Variants in CEP112 observed in about 807,000 individuals in gnomAD.
The protein encoded by CEP112 is centrosomal protein of 112 kDa.
A neutral mutation model predicts 153.0 loss-of-function variants in CEP112; 127 were observed. The ratio of observed to expected loss-of-function variants is 0.83; its 90% CI spans 0.72 to 0.96. The LOEUF (loss-of-function observed/expected upper bound fraction) is 0.96. CEP112 is among the 40% of genes least tolerant of loss of function. The pLI is 0.00. For synonymous variants in CEP112, 358 were observed against 374.4 expected, an observed-to-expected ratio of 0.96 and a Z score of 0.51; for missense variants, 1,089 against 1,101.2, an observed-to-expected ratio of 0.99 and a Z score of 0.16.
intron 3 of CEP112, among the ~76,000 whole-genome samples, chr17:66,175,460 A>G (rs1035350213): frequency 6.6e-6 from 1 of 152,222 alleles, no homozygotes. Context: ...TACATAACAG[A>G]TAAATCTGAT....
rs183362807 is a variant in CEP112, at chr17:65,642,474, T to C, written c.2698-1409A>G. The stretch of plus-strand genomic sequence containing the variant: ...CATTTCATTACCTACTAAAATCCTG[T>C]GGCCACTGTTATAGAACATAAATTT... On this transcript the variant is annotated intron_variant, in intron 24 of 26. Coordinates refer to ENST00000535342, the MANE Select transcript of CEP112 (RefSeq NM_001199165.4). Among the ~76,000 whole-genome samples, 8 of 152,264 alleles carry C rather than the reference T, an allele frequency of 5.3e-5. No homozygotes were observed. The East Asian group carries it at 1.5e-3, about 29-fold the overall frequency.
chr17:65,656,951 G>T (rs2046092725), intron 24 of CEP112, among the ~76,000 whole-genome samples: 1 of 152,208 alleles, frequency 6.6e-6, no homozygotes, highest in South Asian at 2.1e-4. Context: ...AAGACAAAGA[G>T]AAGATTCTGT....
At chr17:65,705,405 T>G (rs1282860743) in intron 23 of CEP112, among the ~76,000 whole-genome samples, 1 of 152,248 alleles carries the variant, frequency 6.6e-6, no homozygotes, top group Non-Finnish European at 1.5e-5. Flanking sequence ...TCTTTCTGAA[T>G]AATTCAAGCG....
At chr17:65,896,084 G>A (rs2059649114) in intron 20 of CEP112, among the ~76,000 whole-genome samples, 1 of 151,964 alleles carries the variant, frequency 6.6e-6, no homozygotes, top group Non-Finnish European at 1.5e-5. Flanking sequence ...AATGCAAATG[G>A]AATACTTTAT....
At chr17:66,044,667 T>C (rs1475400045) in intron 12 of CEP112, among the ~76,000 whole-genome samples, 1 of 152,152 alleles carries the variant, frequency 6.6e-6, no homozygotes, top group Non-Finnish European at 1.5e-5. Context: ...AATGGTCAAA[T>C]TCGTAAGAGA....
chr17:66,170,019 T>G (rs2072176692), intron 4 of CEP112, among the ~76,000 whole-genome samples: 1 of 152,164 alleles, frequency 6.6e-6, no homozygotes, highest in Non-Finnish European at 1.5e-5. Context: ...TCAGCAGCAT[T>G]CCGTTCCTTA....
chr17:66,058,517 G>C (rs1568442892), intron 11 of CEP112, among the ~76,000 whole-genome samples: 1 of 151,834 alleles, frequency 6.6e-6, no homozygotes, highest in Non-Finnish European at 1.5e-5. Context: ...GATTCATATG[G>C]AACCAAAAAA....
At chr17:65,936,145 A>T (rs933225492) in intron 18 of CEP112, among the ~76,000 whole-genome samples, 1 of 152,214 alleles carries the variant, frequency 6.6e-6, no homozygotes, top group Non-Finnish European at 1.5e-5. Flanking sequence ...AGCTGAGGAA[A>T]CAGATGAATT....
At chr17:65,822,042 A>G (rs1242396279) in intron 21 of CEP112, among the ~76,000 whole-genome samples, 1 of 151,962 alleles carries the variant, frequency 6.6e-6, no homozygotes, top group Non-Finnish European at 1.5e-5. Context: ...AAAATTCCCA[A>G]TTCAATGGAA....
rs1568411514 is a variant in CEP112, at chr17:66,035,004, ATATAT to A, written c.1219-4986_1219-4982del. ...TATATATATATATACATATATATAT[ATATAT>A]TTTTTTTTTTAGTAGAGATGGAGTT... On this transcript the variant is annotated intron_variant, in intron 12 of 26. Coordinates refer to ENST00000535342, the MANE Select transcript of CEP112 (RefSeq NM_001199165.4). 1.8e-3 allele frequency among the ~76,000 whole-genome samples: 188 copies of A among 103,418 alleles called. 3 individuals are homozygous for A. In the Middle Eastern group the frequency reaches 0.039, roughly 21 times the overall value. 67.8% of individuals were successfully genotyped at this position (103,418 alleles called of 152,430 possible).
chr17:65,746,572 G>A (rs1321478644), intron 22 of CEP112, among the ~76,000 whole-genome samples: 1 of 152,020 alleles, frequency 6.6e-6, no homozygotes, highest in African/African-American at 2.4e-5. Flanking sequence ...TTCAGGTAAG[G>A]AACAAAACTC....
intron 6 of CEP112, among the ~76,000 whole-genome samples, chr17:66,127,972 C>T (rs1198888968): frequency 6.6e-6 from 1 of 151,992 alleles, no homozygotes; most frequent in Non-Finnish European, 1.5e-5. Context: ...CCTTTCCCTC[C>T]TCCCAGCAAT....
chr17:65,832,326 A>G (rs868302648), intron 21 of CEP112, among the ~76,000 whole-genome samples: 1 of 152,102 alleles, frequency 6.6e-6, no homozygotes, highest in African/African-American at 2.4e-5. Context: ...CTAGCAGAAG[A>G]GAAGAAATAA....
At chr17:65,844,350 T>C (rs1409855225) in intron 21 of CEP112, among the ~76,000 whole-genome samples, 1 of 152,248 alleles carries the variant, frequency 6.6e-6, no homozygotes. Flanking sequence ...CAAAAGTTTA[T>C]GTATGATGAT....
rs780987277 is a variant in CEP112, at chr17:66,029,949, C to T, written c.1293G>A (p.Arg431=). 2.5e-6 allele frequency: 4 copies of T among 1,613,612 alleles called. No homozygotes were observed. The Admixed American group carries it at 5.0e-5, about 20-fold the overall frequency. Residue 431 remains arginine, a synonymous_variant, in exon 13 of 27, where the codon AGG becomes AGA. Transcript: ENST00000535342. ...CTGCTTTTTCTTGAATTAATTTCTG[C>T]CTCTGTAAATTACTGTTCTCTGCTT... ...TGEAENSNLQ[R]QKLIQEKAEL... is the part of the protein sequence containing the mutation.
chr17:65,850,645 T>C (rs2146297860), intron 21 of CEP112, among the ~76,000 whole-genome samples: 1 of 152,282 alleles, frequency 6.6e-6, no homozygotes, highest in East Asian at 1.9e-4. Flanking sequence ...GTGAGTCAAA[T>C]CATGTCACTC....
intron 20 of CEP112, among the ~76,000 whole-genome samples, chr17:65,862,182 A>G (rs1419133976): frequency 1.3e-5 from 2 of 152,236 alleles, no homozygotes; most frequent in Non-Finnish European, 1.5e-5. Context: ...GCCATAAAAC[A>G]TTATTAGGTA....
intron 21 of CEP112, among the ~76,000 whole-genome samples, chr17:65,850,206 A>G (rs1332468680): frequency 6.6e-6 from 1 of 150,944 alleles, no homozygotes; most frequent in Non-Finnish European, 1.5e-5. Context: ...TGAACTGTAT[A>G]TTTTAGCATC....
chr17:65,698,718 C>A (rs1258912909), intron 23 of CEP112, among the ~76,000 whole-genome samples: 1 of 152,098 alleles, frequency 6.6e-6, no homozygotes, highest in Non-Finnish European at 1.5e-5. Context: ...GTTCTTATCT[C>A]GGGTGGTAGA....
Sources: gnomAD v4.1 joint callset for allele counts (sites outside exome capture counted in the v4.1 genomes callset) on GRCh38, gnomAD v4.1.1 for gene constraint, MANE v1.5 for transcripts, NCBI Gene and HGNC (gene_info 2026-07-23, HGNC 2026-07-21) for gene names.